The following ARHGEF26 variants were observed in gnomAD, a reference collection of about 807,000 sequenced individuals.
ARHGEF26 encodes the protein Rho guanine nucleotide exchange factor (GEF) 26.
In ARHGEF26, 59 loss-of-function variants were observed where a neutral mutation model predicts 89.4. The ratio of observed to expected loss-of-function variants is 0.66; its 90% CI spans 0.54 to 0.82. The LOEUF (loss-of-function observed/expected upper bound fraction) is 0.82, where lower values mean the gene tolerates loss of function less well. Ranked by LOEUF, ARHGEF26 falls within the 40% of genes least tolerant of loss-of-function variation. The pLI is 0.00. For missense variants in ARHGEF26, 1,234 were observed against 1,085.6 expected, an observed-to-expected ratio of 1.14 and a Z score of -1.92; for synonymous variants, 500 against 428.4, an observed-to-expected ratio of 1.17 and a Z score of -2.06.
chr3:154,164,323 C>T (rs1711858471), intron 6 of ARHGEF26, among the ~76,000 whole-genome samples: 1 of 151,932 alleles, frequency 6.6e-6, no homozygotes, highest in South Asian at 2.1e-4. Flanking sequence ...TATATTATTA[C>T]CATTCTCTAA....
rs183662357 is a variant in ARHGEF26 at position 154,136,045 on chromosome 3, C to G, written c.1269+6326C>G. Among the ~76,000 whole-genome samples the G allele has an allele frequency of 5.0e-3, 763 of 152,124 alleles. 5 individuals are homozygous for G. The highest frequency in any genetic ancestry group is 0.017 in the African/African-American group (707 of 41,508). ...TCCATCACCTTGAAATGCCAGATACCTTTGAAAAGGGTGTTCTCTGTTCAG... is the reference window on the plus strand; with the variant it reads ...TCCATCACCTTGAAATGCCAGATACGTTTGAAAAGGGTGTTCTCTGTTCAG... On this transcript the variant is annotated intron_variant, in intron 4 of 14. Transcript: ENST00000465093.
intron 4 of ARHGEF26, among the ~76,000 whole-genome samples, chr3:154,133,122 A>G (rs947327209): frequency 6.6e-5 from 10 of 152,184 alleles, no homozygotes; most frequent in Non-Finnish European, 1.5e-5. Context: ...AGTATGCTGA[A>G]TACTTTTGAA....
At chr3:154,218,918 G>T (rs1030709363) in intron 10 of ARHGEF26, among the ~76,000 whole-genome samples, 2 of 152,212 alleles carry the variant, frequency 1.3e-5, no homozygotes, top group Non-Finnish European at 2.9e-5. Flanking sequence ...CTAAGGTCTA[G>T]ATGTCCTGAC....
intron 4 of ARHGEF26, among the ~76,000 whole-genome samples, chr3:154,144,081 C>G (rs1719549466): frequency 6.6e-6 from 1 of 152,184 alleles, no homozygotes; most frequent in Admixed American, 6.5e-5. Context: ...GCTTAGCTTT[C>G]ACTGCAGCAG....
chr3:154,255,409 A>C lies in ARHGEF26; in HGVS notation c.2552A>C (p.Gln851Pro), dbSNP rs1438273670. The change falls in exon 15 of 15, where the codon CAA (glutamine) becomes CCA (proline). Residue 851 changes from glutamine to proline, a missense_variant. By Grantham distance (76) the Gln-to-Pro change is moderately conservative (BLOSUM62 -1). Transcript: ENST00000465093. ...GAATGTGCCAAGGAGATAACATGTC[A>C]AGCTACAATTGATAAGAATGTGGAG... The part of the protein sequence containing the change: ...PMECAKEITC[Q>P]ATIDKNVERM... 2 of 1,613,596 alleles carry C rather than the reference A, an allele frequency of 1.2e-6. No homozygotes were observed. The highest frequency in any genetic ancestry group is 1.7e-6 in the Non-Finnish European group (2 of 1,179,862).
chr3:154,141,759 T>C (rs763834754), intron 4 of ARHGEF26, among the ~76,000 whole-genome samples: 1 of 152,230 alleles, frequency 6.6e-6, no homozygotes, highest in Non-Finnish European at 1.5e-5. Context: ...AGGAGTTACT[T>C]TATACTTCTG....
chr3:154,219,171 T>G (rs1313301908), intron 10 of ARHGEF26, among the ~76,000 whole-genome samples: 3 of 152,242 alleles, frequency 2.0e-5, no homozygotes, highest in Non-Finnish European at 4.4e-5. Context: ...TTTCTAAATA[T>G]TTTGGAAAGT....
At chr3:154,134,636 G>T (rs1201590390) in intron 4 of ARHGEF26, among the ~76,000 whole-genome samples, 1 of 152,078 alleles carries the variant, frequency 6.6e-6, no homozygotes, top group Non-Finnish European at 1.5e-5. Flanking sequence ...GTGAGAGACG[G>T]CATCCTTATC....
chr3:154,170,988 C>T (rs1712400846), intron 6 of ARHGEF26, among the ~76,000 whole-genome samples: 1 of 152,148 alleles, frequency 6.6e-6, no homozygotes, highest in South Asian at 2.1e-4. Context: ...AAAACTCCCT[C>T]CTCCTGGTTT....
In ARHGEF26 at chr3:154,187,672, T is replaced by G; in HGVS notation, c.1488-13T>G. 1 of 1,588,474 alleles carries G rather than the reference T, an allele frequency of 6.3e-7. No individual in the cohort carries two copies. Among genetic ancestry groups the G allele is most frequent in the East Asian group, 2.2e-5 (1 of 44,496 alleles). On this transcript the variant is annotated splice_polypyrimidine_tract_variant and intron_variant, in intron 6 of 14. Transcript: ENST00000465093. The stretch of plus-strand genomic sequence containing the variant: ...AAAGAAGTGTTAATTTTTTTTTCCC[T>G]TTGGTTTTTCAGGTTCTTTATAGAG...
chr3:154,200,051 C>G (rs1159040722), intron 9 of ARHGEF26, among the ~76,000 whole-genome samples: 1 of 152,042 alleles, frequency 6.6e-6, no homozygotes, highest in Non-Finnish European at 1.5e-5. Flanking sequence ...TCTGCAGAAG[C>G]CTTTTAACTT....
chr3:154,231,815 G>A (rs898366012), intron 11 of ARHGEF26, among the ~76,000 whole-genome samples: 4 of 151,914 alleles, frequency 2.6e-5, no homozygotes, highest in African/African-American at 9.7e-5. Flanking sequence ...CCCATGTCAG[G>A]CGGCAAGTGA....
intron 12 of ARHGEF26, among the ~76,000 whole-genome samples, chr3:154,247,625 C>T (rs1717881699): frequency 8.8e-6 from 1 of 114,106 alleles, no homozygotes; most frequent in South Asian, 3.0e-4. Flanking sequence ...TAGCTTTTCT[C>T]TATCTGAGAC....
At chr3:154,161,367 TAA>T (rs1396643692) in intron 6 of ARHGEF26, among the ~76,000 whole-genome samples, 2 of 152,164 alleles carry the variant, frequency 1.3e-5, no homozygotes, top group African/African-American at 4.8e-5. Flanking sequence ...CTTTAAATCT[TAA>T]GTTTCTTTCT....
At position 154,215,636 on chromosome 3, in the gene ARHGEF26, A is replaced by G. The variant is rs541302743; in HGVS notation, c.1846-2233A>G. ...TGTGGAGGCTGGGCAGTCCAAGACC[A>G]AGATATAGGCAGAACCAGTGTTTGC... On this transcript the variant is annotated intron_variant, in intron 9 of 14. Transcript: ENST00000465093. Among the ~76,000 whole-genome samples, 6 of 152,272 alleles carry G rather than the reference A, an allele frequency of 3.9e-5. No homozygotes were observed. The East Asian group carries it at 1.2e-3, about 29-fold the overall frequency.
intron 10 of ARHGEF26, among the ~76,000 whole-genome samples, chr3:154,220,979 A>G (rs560863113): frequency 3.0e-4 from 45 of 152,282 alleles, no homozygotes; most frequent in African/African-American, 1.0e-3. Flanking sequence ...AAGACCCACT[A>G]GTCTACAAGC....
chr3:154,256,091 C>G lies in ARHGEF26; in HGVS notation c.*618C>G, dbSNP rs185140658. 4.1e-6 allele frequency: 4 copies of G among 985,042 alleles called. No individual in the cohort carries two copies. In the African/African-American group the frequency reaches 5.3e-5, roughly 13 times the overall value. The allele number at this position is 985,042 out of a possible 1,614,324, so 61.0% of individuals were successfully genotyped here. On this transcript the variant is annotated 3_prime_UTR_variant, in exon 15 of 15. Coordinates refer to ENST00000465093, the MANE Select transcript of ARHGEF26 (RefSeq NM_015595.4). ...TCCTCATTAGAAGGAAAGTAGAAAG[C>G]CTTACTTTAGGATTTTTAAAAAAAA...
intron 12 of ARHGEF26, among the ~76,000 whole-genome samples, chr3:154,243,588 G>A (rs1717604140): frequency 6.6e-6 from 1 of 152,124 alleles, no homozygotes; most frequent in Non-Finnish European, 1.5e-5. Flanking sequence ...AATCAGACAT[G>A]TTCTCAGAAT....
At chr3:154,155,779 G>A (rs1427198503) in intron 6 of ARHGEF26, among the ~76,000 whole-genome samples, 2 of 151,746 alleles carry the variant, frequency 1.3e-5, no homozygotes, top group Admixed American at 1.3e-4. Flanking sequence ...TGGTTAGTAG[G>A]CATGTAAAGA....
Sources: gnomAD v4.1 joint callset for allele counts (sites outside exome capture counted in the v4.1 genomes callset) on GRCh38, gnomAD v4.1.1 for gene constraint, MANE v1.5 for transcripts, NCBI Gene and HGNC (gene_info 2026-07-23, HGNC 2026-07-21) for gene names.